RAP1B: variants seen among roughly 807,000 people sequenced by gnomAD.
The protein encoded by RAP1B is ras-related protein Rap-1b.
In RAP1B, 1 loss-of-function variant was observed where a neutral mutation model predicts 27.5. The observed-to-expected ratio is 0.04, with a 90% CI of 0.01 to 0.17. RAP1B has a LOEUF of 0.17. RAP1B is among the 10% of genes least tolerant of loss of function. The pLI is 1.00. For synonymous variants in RAP1B, 75 were observed against 73.1 expected (o/e 1.03, Z -0.13); for missense variants, 84 against 214.8 (o/e 0.39, Z 3.81).
rs953226286 is a variant in RAP1B, at chr12:68,662,797, G to A, written c.*3548G>A. 1.3e-5 allele frequency: 2 copies of A among 151,672 alleles called. No homozygotes were observed. Among genetic ancestry groups the A allele is most frequent in the Non-Finnish European group, 2.9e-5 (2 of 67,950 alleles). 9.4% of individuals were successfully genotyped at this position (151,672 alleles called of 1,614,324 possible). A position where few individuals can be genotyped will look rare whatever the true frequency, so the allele number is the denominator to read the frequency against. On this transcript the variant is annotated 3_prime_UTR_variant, in exon 8 of 8. Coordinates refer to ENST00000250559, the MANE Select transcript of RAP1B (RefSeq NM_001010942.3). ...TTTTTTTTTCAAACAAAACAAATCT[G>A]ACAGCCTGGGCAACATAGACCCCAT... is the stretch of plus-strand genomic sequence containing the variant.
rs1181675494 is a variant in RAP1B, at chr12:68,661,643, C to T, written c.*2394C>T. The T allele has an allele frequency of 2.0e-5, 3 of 151,792 alleles. No homozygotes were observed. The highest frequency in any genetic ancestry group is 4.4e-5 in the Non-Finnish European group (3 of 67,974). 9.4% of individuals were successfully genotyped at this position (151,792 alleles called of 1,614,324 possible). A position where few individuals can be genotyped will look rare whatever the true frequency, so the allele number is the denominator to read the frequency against. ...GCCCACTAGATGCCAGTCACACCAC[C>T]CCAGCCCCCAAGTTGTGGCAACCAA... On this transcript the variant is annotated 3_prime_UTR_variant, in exon 8 of 8. Transcript: ENST00000250559.
At chr12:68,616,251 T>C (rs7132500) in intron 1 of RAP1B, among the ~76,000 whole-genome samples, 8,005 of 150,614 alleles carry the variant, frequency 0.053, 687 homozygotes, top group African/African-American at 0.18. Context: ...CGTGAGCCAC[T>C]GTGCCCGGCC....
chr12:68,618,012 C>T (rs1268091881), intron 1 of RAP1B, among the ~76,000 whole-genome samples: 1 of 151,646 alleles, frequency 6.6e-6, no homozygotes, highest in Admixed American at 6.6e-5. Context: ...ATCTGCCCGC[C>T]TCCACCTCCC....
In RAP1B at chr12:68,668,357, G is replaced by T. The variant is rs1024603651; in HGVS notation, c.*9108G>T. On this transcript the variant is annotated 3_prime_UTR_variant, in exon 8 of 8. Coordinates refer to ENST00000250559, the MANE Select transcript of RAP1B (RefSeq NM_001010942.3). ...CTAAGACTATTATAATAAGGAAGGG[G>T]TTTTTTTCTTAGCCCAGTTACTACT... is the stretch of plus-strand genomic sequence containing the variant. The T allele has an allele frequency of 4.6e-5, 7 of 152,064 alleles. No homozygotes were observed. Among genetic ancestry groups the T allele is most frequent in the African/African-American group, 1.2e-4 (5 of 41,406 alleles). 9.4% of individuals were successfully genotyped at this position (152,064 alleles called of 1,614,324 possible). A position where few individuals can be genotyped will look rare whatever the true frequency, so the allele number is the denominator to read the frequency against.
At chr12:68,613,977 AG>A (rs1870801416) in intron 1 of RAP1B, among the ~76,000 whole-genome samples, 1 of 152,228 alleles carries the variant, frequency 6.6e-6, no homozygotes, top group African/African-American at 2.4e-5. Context: ...CCATGTAAGG[AG>A]GGTATAGCAA....
intron 2 of RAP1B, 62 bp from the exon 3 acceptor site, chr12:68,650,333 AATTAC>A: frequency 7.2e-7 from 1 of 1,385,262 alleles, no homozygotes; most frequent in Non-Finnish European, 9.7e-7. Context: ...CTCAGTTTAC[AATTAC>A]ATTAAAGATT....
chr12:68,629,039 A>G (rs565782657), intron 1 of RAP1B, among the ~76,000 whole-genome samples: 47 of 151,188 alleles, frequency 3.1e-4, no homozygotes, highest in South Asian at 1.5e-3. Context: ...GTCTCTGTCT[A>G]TTTTGAGACA....
At chr12:68,626,914 A>G (rs1871829549) in intron 1 of RAP1B, 2 of 1,564,958 alleles carry the variant, frequency 1.3e-6, no homozygotes, top group East Asian at 4.5e-5. Flanking sequence ...CCACGATTGG[A>G]AATGTACTTG....
rs768261980 is a variant in RAP1B, at chr12:68,651,945, A to C, written c.127-50A>C. 3 of 1,417,972 alleles carry C rather than the reference A, an allele frequency of 2.1e-6. No individual in the cohort carries two copies. The South Asian group carries it at 3.5e-5, about 17-fold the overall frequency. 87.8% of individuals were successfully genotyped at this position (1,417,972 alleles called of 1,614,324 possible). A position where few individuals can be genotyped will look rare whatever the true frequency, so the allele number is the denominator to read the frequency against. On this transcript the variant is annotated intron_variant, in intron 3 of 7. Transcript: ENST00000250559. The stretch of plus-strand genomic sequence containing the variant: ...TTAGCTTTTTTGTGTATATTAAGGT[A>C]GTTTTATGTACATTGAAAAAATGAA...
chr12:68,658,209 T>A (rs1874366377), intron 7 of RAP1B, among the ~76,000 whole-genome samples: 1 of 152,258 alleles, frequency 6.6e-6, no homozygotes, highest in African/African-American at 2.4e-5. Context: ...GCACTTTGAT[T>A]CTGCATCTTT....
At chr12:68,627,321 T>C in intron 1 of RAP1B, 1 of 771,124 alleles carries the variant, frequency 1.3e-6, no homozygotes, top group South Asian at 1.4e-5. Flanking sequence ...TTGCAGCCAT[T>C]GCACACTGGG....
In RAP1B at chr12:68,642,755, A is replaced by G. The variant is rs1421352632; in HGVS notation, c.-26-5944A>G. ...CTGCGCAGTATATTTATCCTCTGGC[A>G]CGGGAACCTTCAGGGCATTAAACTT... On this transcript the variant is annotated intron_variant, in intron 1 of 7. Coordinates refer to ENST00000250559, the MANE Select transcript of RAP1B (RefSeq NM_001010942.3). 5 of 1,074,142 alleles carry G rather than the reference A, an allele frequency of 4.7e-6. No individual in the cohort carries two copies. In the East Asian group the frequency reaches 7.1e-5, roughly 15 times the overall value. 66.5% of individuals were successfully genotyped at this position (1,074,142 alleles called of 1,614,324 possible).
chr12:68,650,374 T>C, intron 2 of RAP1B, 26 bp from the exon 3 acceptor site: 1 of 1,514,694 alleles, frequency 6.6e-7, no homozygotes, highest in Non-Finnish European at 8.9e-7. Flanking sequence ...TTTAGAAGTA[T>C]AATGGTTTCT....
chr12:68,643,726 ACTT>A (rs1873191877), intron 1 of RAP1B, among the ~76,000 whole-genome samples: 1 of 152,292 alleles, frequency 6.6e-6, no homozygotes, highest in South Asian at 2.1e-4. Context: ...TCTAAAGTCT[ACTT>A]CTTAAAAATG....
At chr12:68,649,840 C>T (rs545944843) in intron 2 of RAP1B, 2 of 152,362 alleles carry the variant, frequency 1.3e-5, no homozygotes, top group Non-Finnish European at 2.9e-5. Context: ...AATGCCGGCA[C>T]AGTGGCTCAC....
intron 1 of RAP1B, among the ~76,000 whole-genome samples, chr12:68,632,495 G>GCTT (rs1872338300): frequency 6.6e-6 from 1 of 152,032 alleles, no homozygotes; most frequent in Non-Finnish European, 1.5e-5. Flanking sequence ...CAAATGTTTG[G>GCTT]AAGATTATAC....
At chr12:68,611,565 C>T (rs574008411) in intron 1 of RAP1B, among the ~76,000 whole-genome samples, 12 of 152,212 alleles carry the variant, frequency 7.9e-5, no homozygotes, top group African/African-American at 2.4e-4. Flanking sequence ...GGGCGAGGAG[C>T]CTTCGGGGGA....
At chr12:68,628,790 T>A (rs1236869246) in intron 1 of RAP1B, among the ~76,000 whole-genome samples, 1 of 152,198 alleles carries the variant, frequency 6.6e-6, no homozygotes, top group East Asian at 1.9e-4. Flanking sequence ...AAATTTTAGT[T>A]TTACAGTTAC....
chr12:68,628,788 G>A (rs144374406), intron 1 of RAP1B, among the ~76,000 whole-genome samples: 147 of 152,272 alleles, frequency 9.7e-4, no homozygotes, highest in African/African-American at 3.4e-3. Context: ...CAAAATTTTA[G>A]TTTTACAGTT....
Sources: gnomAD v4.1 joint callset for allele counts (sites outside exome capture counted in the v4.1 genomes callset) on GRCh38, gnomAD v4.1.1 for gene constraint, MANE v1.5 for transcripts, NCBI Gene and HGNC (gene_info 2026-07-23, HGNC 2026-07-21) for gene names.